Variants in MAPK10 observed in about 807,000 individuals in gnomAD.
The protein encoded by MAPK10 is JNK3 alpha protein kinase.
Under a neutral mutation model 59.3 loss-of-function variants are expected in MAPK10, and 25 were observed. That is an observed-to-expected ratio of 0.42 (90% CI 0.31 to 0.59). The LOEUF (loss-of-function observed/expected upper bound fraction) is 0.59, where lower values mean the gene tolerates loss of function less well. Among genes scored for constraint, MAPK10 ranks in the 20% least tolerant of loss-of-function variants. The probability of loss-of-function intolerance (pLI) is 0.15; values close to 1 mark genes in which losing one functional copy is unlikely to be tolerated. For missense variants in MAPK10, 351 were observed against 568.9 expected (o/e 0.62, Z 3.90); for synonymous variants, 190 against 200.5 (o/e 0.95, Z 0.44).
intron 4 of MAPK10, chr4:86,120,628 T>C (rs543844719): frequency 1.2e-4 from 18 of 152,358 alleles, no homozygotes; most frequent in African/African-American, 4.1e-4. Flanking sequence ...ACACAGACTG[T>C]CTCAGTTTCT....
intron 4 of MAPK10, among the ~76,000 whole-genome samples, chr4:86,133,319 T>C (rs1002700643): frequency 1.3e-5 from 2 of 152,264 alleles, no homozygotes; most frequent in Non-Finnish European, 2.9e-5. Context: ...ATTATCTTTT[T>C]AGATTTTATG....
intron 2 of MAPK10, among the ~76,000 whole-genome samples, chr4:86,329,378 C>A (rs1211445184): frequency 6.6e-6 from 1 of 152,120 alleles, no homozygotes; most frequent in African/African-American, 2.4e-5. Context: ...TCTCTTGGTT[C>A]TACCCTTTTT....
At chr4:86,195,652 A>G (rs1044996958) in intron 2 of MAPK10, among the ~76,000 whole-genome samples, 1 of 152,152 alleles carries the variant, frequency 6.6e-6, no homozygotes, top group Non-Finnish European at 1.5e-5. Flanking sequence ...TACATGTGCC[A>G]TGGTGGTTTG....
At chr4:86,060,211 TTG>T in intron 11 of MAPK10, among the ~76,000 whole-genome samples, 1 of 152,320 alleles carries the variant, frequency 6.6e-6, no homozygotes, top group East Asian at 1.9e-4. Context: ...CTCCATATGT[TTG>T]TACTAGGCTT....
chr4:86,131,619 A>C (rs2061020934), intron 4 of MAPK10, among the ~76,000 whole-genome samples: 1 of 152,196 alleles, frequency 6.6e-6, no homozygotes, highest in African/African-American at 2.4e-5. Context: ...TCTATGATTG[A>C]ATTACTGGCA....
chr4:86,562,362 C>T (rs1461722915), intron 1 of MAPK10, among the ~76,000 whole-genome samples: 1 of 152,102 alleles, frequency 6.6e-6, no homozygotes, highest in Non-Finnish European at 1.5e-5. Flanking sequence ...CATCAATGCT[C>T]CTAACATCAG....
At chr4:86,567,573 A>G (rs1761152637) in intron 1 of MAPK10, among the ~76,000 whole-genome samples, 2 of 152,246 alleles carry the variant, frequency 1.3e-5, no homozygotes, top group South Asian at 4.1e-4. Context: ...CTTAATCTAC[A>G]CTATTTGGGT....
chr4:86,273,128 G>A (rs543663875), intron 2 of MAPK10, among the ~76,000 whole-genome samples: 47 of 152,030 alleles, frequency 3.1e-4, no homozygotes, highest in Non-Finnish European at 5.7e-4. Flanking sequence ...TTTGAAATCT[G>A]CAATTTCTTT....
chr4:86,235,084 T>C (rs1310218323), intron 2 of MAPK10, among the ~76,000 whole-genome samples: 1 of 152,188 alleles, frequency 6.6e-6, no homozygotes, highest in Non-Finnish European at 1.5e-5. Context: ...ACTTGAAGCA[T>C]CACATCTGTG....
rs1449604775 is a variant in MAPK10, at chr4:86,011,414, C to G, written c.*5814G>C. On this transcript the variant is annotated 3_prime_UTR_variant, in exon 14 of 14. Transcript: ENST00000641462. Reference sequence around the variant, plus strand: ...CAAAAACCTCTGCCTTGGCTGTGATCCAGTGTTGTTATTGGCAAGTAGATT... The same window carrying G: ...CAAAAACCTCTGCCTTGGCTGTGATGCAGTGTTGTTATTGGCAAGTAGATT... 4 of 152,196 alleles carry G rather than the reference C, an allele frequency of 2.6e-5. No homozygotes were observed. The highest frequency in any genetic ancestry group is 1.3e-4 in the Admixed American group (2 of 15,274). 9.4% of individuals were successfully genotyped at this position (152,196 alleles called of 1,614,324 possible).
At chr4:86,559,090 A>AT (rs1438302258) in intron 1 of MAPK10, among the ~76,000 whole-genome samples, 1 of 152,042 alleles carries the variant, frequency 6.6e-6, no homozygotes, top group African/African-American at 2.4e-5. Flanking sequence ...AAACTTGCAT[A>AT]TTTTTTTCCA....
chr4:86,343,668 A>G (rs1325997550), intron 2 of MAPK10, among the ~76,000 whole-genome samples: 2 of 152,184 alleles, frequency 1.3e-5, no homozygotes, highest in Non-Finnish European at 2.9e-5. Context: ...AAATAATATG[A>G]AGACATGGTT....
At chr4:86,070,126 A>G (rs2047529856) in intron 9 of MAPK10, among the ~76,000 whole-genome samples, 2 of 152,192 alleles carry the variant, frequency 1.3e-5, no homozygotes, top group Admixed American at 1.3e-4. Flanking sequence ...AAAAATCTTT[A>G]TCATTGTCAA....
At chr4:86,091,202 A>T (rs997995976) in intron 9 of MAPK10, 3 of 151,698 alleles carry the variant, frequency 2.0e-5, no homozygotes, top group African/African-American at 7.2e-5. Flanking sequence ...ATATATTAAA[A>T]TTATATTTGG....
chr4:86,504,956 A>AT (rs1407507309), intron 1 of MAPK10, among the ~76,000 whole-genome samples: 1 of 152,142 alleles, frequency 6.6e-6, no homozygotes. Context: ...CATCCAGCAA[A>AT]GTCTTTCCAC....
chr4:86,168,568 C>T (rs1360344693), intron 3 of MAPK10, among the ~76,000 whole-genome samples: 2 of 152,224 alleles, frequency 1.3e-5, no homozygotes, highest in Non-Finnish European at 2.9e-5. Flanking sequence ...GAAGCTCCAA[C>T]TGGGTGGAGC....
chr4:86,205,310 C>T (rs550262785), intron 2 of MAPK10, among the ~76,000 whole-genome samples: 10 of 152,080 alleles, frequency 6.6e-5, no homozygotes, highest in African/African-American at 2.4e-4. Flanking sequence ...GACTTATATG[C>T]ACTTAGCATT....
intron 2 of MAPK10, among the ~76,000 whole-genome samples, chr4:86,329,890 T>C (rs908725506): frequency 2.0e-5 from 3 of 152,174 alleles, no homozygotes; most frequent in Admixed American, 6.5e-5. Flanking sequence ...GTTATAAATA[T>C]CACAAGCAAT....
chr4:86,532,083 C>CATAT lies in MAPK10; in HGVS notation c.-263+61823_-263+61826dup, dbSNP rs34903931. On this transcript the variant is annotated intron_variant, in intron 1 of 4. Coordinates refer to the MAPK10 transcript ENST00000502302. ...TATATATATTATTTTTATATATATA[C>CATAT]ATATATATATACATACATATATATA... Among the ~76,000 whole-genome samples the CATAT allele has an allele frequency of 2.2e-4, 33 of 146,872 alleles. No homozygotes were observed. In the East Asian group the frequency reaches 5.7e-3, roughly 25 times the overall value.
Sources: gnomAD v4.1 joint callset for allele counts (sites outside exome capture counted in the v4.1 genomes callset) on GRCh38, gnomAD v4.1.1 for gene constraint, MANE v1.5 for transcripts, NCBI Gene and HGNC (gene_info 2026-07-23, HGNC 2026-07-21) for gene names.